RBFOX3: variants seen among roughly 807,000 people sequenced by gnomAD.
RBFOX3 encodes RNA binding fox-1 homolog 3, also known as RNA binding protein fox-1 homolog 3.
Under a neutral mutation model 48.7 loss-of-function variants are expected in RBFOX3, and 17 were observed. The ratio of observed to expected loss-of-function variants is 0.35; its 90% CI spans 0.24 to 0.52. The LOEUF (loss-of-function observed/expected upper bound fraction) is 0.52. RBFOX3 is among the 20% of genes least tolerant of loss of function. The pLI is 0.94. For synonymous variants in RBFOX3, 212 were observed against 209.5 expected, an observed-to-expected ratio of 1.01 and a Z score of -0.10; for missense variants, 382 against 497.5, an observed-to-expected ratio of 0.77 and a Z score of 2.21.
the RBFOX3 span, among the ~76,000 whole-genome samples, chr17:79,662,973 A>C: frequency 1.3e-5 from 2 of 152,142 alleles, no homozygotes; most frequent in Non-Finnish European, 2.9e-5. Flanking sequence ...CAGGAAGGAA[A>C]CGTCGCTGTT....
intron 1 of RBFOX3, among the ~76,000 whole-genome samples, chr17:79,501,573 TC>T (rs1188760600): frequency 1.3e-5 from 2 of 152,218 alleles, no homozygotes; most frequent in African/African-American, 4.8e-5. Flanking sequence ...AAGGATTTGT[TC>T]CAGCTGGGCC....
chr17:79,462,563 A>T (rs1432427348), intron 2 of RBFOX3, among the ~76,000 whole-genome samples: 1 of 152,176 alleles, frequency 6.6e-6, no homozygotes, highest in African/African-American at 2.4e-5. Flanking sequence ...GCCTGGAGAC[A>T]TTATTGGTTG....
intron 14 of RBFOX3, among the ~76,000 whole-genome samples, chr17:79,094,033 G>A (rs1426163283): frequency 2.0e-5 from 3 of 152,136 alleles, no homozygotes; most frequent in Non-Finnish European, 4.4e-5. Flanking sequence ...CGGGTGGGCC[G>A]TGGGTATGCG....
the RBFOX3 span, among the ~76,000 whole-genome samples, chr17:79,619,070 T>C: frequency 1.3e-5 from 2 of 152,218 alleles, no homozygotes; most frequent in Non-Finnish European, 2.9e-5. Flanking sequence ...AGACGTTGGC[T>C]ATAAGCATCA....
At chr17:79,649,512 C>A in the RBFOX3 span, among the ~76,000 whole-genome samples, 8 of 152,320 alleles carry the variant, frequency 5.3e-5, no homozygotes, top group South Asian at 1.5e-3. Context: ...TCAAGACCAG[C>A]CTGGCCAATG....
chr17:79,290,106 C>A (rs1242288523), intron 3 of RBFOX3, among the ~76,000 whole-genome samples: 2 of 152,010 alleles, frequency 1.3e-5, no homozygotes, highest in Non-Finnish European at 2.9e-5. Context: ...GGAGGGCAGG[C>A]AGGTGGTGGG....
intron 3 of RBFOX3, among the ~76,000 whole-genome samples, chr17:79,272,694 C>T (rs115249243): frequency 0.01 from 1,553 of 152,288 alleles, 28 homozygotes; most frequent in African/African-American, 0.035. Flanking sequence ...GGGAGTTTTG[C>T]TCAGTTCCAG....
rs1363545226 is a variant in RBFOX3 at position 79,212,434 on chromosome 17, C to T, written c.-34+23332G>A. Among the ~76,000 whole-genome samples, 2 of 152,198 alleles carry T rather than the reference C, an allele frequency of 1.3e-5. No homozygotes were observed. Among genetic ancestry groups the T allele is most frequent in the South Asian group, 2.1e-4 (1 of 4,824 alleles). On this transcript the variant is annotated intron_variant, in intron 4 of 14. Coordinates refer to ENST00000693108, the MANE Select transcript of RBFOX3 (RefSeq NM_001350451.2). This position sits in a 1 kb window ranked among gnomAD's most constrained non-coding sequence, Gnocchi z 4.7. ...TCCTGGCGCTGCCCGTTCCCAATTT[C>T]TCCTTCCTGTAGGACTGCTGCAGGG...
chr17:79,600,545 T>C (rs1048343643), intron 1 of RBFOX3: 1 of 152,142 alleles, frequency 6.6e-6, no homozygotes, highest in Non-Finnish European at 1.5e-5. Flanking sequence ...ATCCAGAATT[T>C]TCCCTTAATT....
intron 2 of RBFOX3, among the ~76,000 whole-genome samples, chr17:79,468,401 A>G (rs1433606855): frequency 6.6e-6 from 1 of 152,088 alleles, no homozygotes; most frequent in Non-Finnish European, 1.5e-5. Flanking sequence ...TGATGGATGG[A>G]TGGACAGGTA....
intron 4 of RBFOX3, among the ~76,000 whole-genome samples, chr17:79,218,250 G>A (rs1019117673): frequency 2.6e-5 from 4 of 152,040 alleles, no homozygotes; most frequent in Admixed American, 6.5e-5. Context: ...GGGTGGCAGC[G>A]TTTGGGTGCC....
At chr17:79,444,679 T>C (rs781814070) in intron 2 of RBFOX3, among the ~76,000 whole-genome samples, 2 of 152,090 alleles carry the variant, frequency 1.3e-5, no homozygotes, top group Non-Finnish European at 2.9e-5. Context: ...GGTCTAGATT[T>C]GTGCCTTATA....
chr17:79,634,607 G>A, the RBFOX3 span, among the ~76,000 whole-genome samples: 5 of 152,158 alleles, frequency 3.3e-5, no homozygotes, highest in African/African-American at 1.2e-4. Context: ...AGAAGCATGA[G>A]GCACAGAGGG....
At position 79,248,867 on chromosome 17, in the gene RBFOX3, C is replaced by T. The variant is rs111731014; in HGVS notation, c.-73-13062G>A. 8.8e-3 allele frequency among the ~76,000 whole-genome samples: 1,346 copies of T among 152,346 alleles called. 13 individuals are homozygous for T. The highest frequency in any genetic ancestry group is 0.013 in the Non-Finnish European group (854 of 68,036). On this transcript the variant is annotated intron_variant, in intron 3 of 14. Coordinates refer to ENST00000693108, the MANE Select transcript of RBFOX3 (RefSeq NM_001350451.2). ...CTCACTTACCAGCAAGCTCCAGCTCCGCAGAGATTCTCCTTCTTGGAGGCC... is the reference window on the plus strand; with the variant it reads ...CTCACTTACCAGCAAGCTCCAGCTCTGCAGAGATTCTCCTTCTTGGAGGCC...
In RBFOX3 at chr17:79,230,502, G is replaced by A. The variant is rs568007732; in HGVS notation, c.-34+5264C>T. 6.9e-4 allele frequency among the ~76,000 whole-genome samples: 105 copies of A among 151,862 alleles called. 1 individual carries two copies. The highest frequency in any genetic ancestry group is 2.2e-3 in the African/African-American group (90 of 41,428). ...TCTCGATCTGCTGACCTCGTGATCCGCCCGCCTCGGCCTCCCAAAGTGCTG... is the reference window on the plus strand; with the variant it reads ...TCTCGATCTGCTGACCTCGTGATCCACCCGCCTCGGCCTCCCAAAGTGCTG... On this transcript the variant is annotated intron_variant, in intron 4 of 14. Transcript: ENST00000693108.
At chr17:79,652,171 A>G in the RBFOX3 span, among the ~76,000 whole-genome samples, 1 of 152,208 alleles carries the variant, frequency 6.6e-6, no homozygotes, top group Admixed American at 6.5e-5. Flanking sequence ...GTGACATAGT[A>G]ATAGATAACT....
chr17:79,278,545 C>G (rs1341756366), intron 3 of RBFOX3, among the ~76,000 whole-genome samples: 1 of 11,060 alleles, frequency 9.0e-5, no homozygotes, highest in African/African-American at 4.2e-4. Context: ...AACCAGGGAG[C>G]ATGCAGACCC....
At chr17:79,297,292 A>T (rs956789073) in intron 3 of RBFOX3, among the ~76,000 whole-genome samples, 1 of 152,144 alleles carries the variant, frequency 6.6e-6, no homozygotes, top group Non-Finnish European at 1.5e-5. Context: ...CCAGCCTCCC[A>T]GGCAGGCTTA....
chr17:79,188,603 C>A (rs2053878753), intron 4 of RBFOX3, among the ~76,000 whole-genome samples: 1 of 152,182 alleles, frequency 6.6e-6, no homozygotes. Flanking sequence ...AGTTCCTCTC[C>A]CCTCGGGGGC....
Sources: allele counts gnomAD v4.1 joint callset (sites outside exome capture counted in the v4.1 genomes callset), GRCh38; gene constraint gnomAD v4.1.1; non-coding constraint Gnocchi (gnomAD v3.1); transcripts MANE v1.5; gene names NCBI Gene and HGNC (gene_info 2026-07-23, HGNC 2026-07-21).